Variants in NXPH1 observed in about 807,000 individuals in gnomAD.
NXPH1 encodes the protein neurexophilin-1.
NXPH1 carries 5 observed loss-of-function variants against 23.7 expected under a neutral mutation model. The ratio of observed to expected loss-of-function variants is 0.21; its 90% CI spans 0.11 to 0.44. The LOEUF (loss-of-function observed/expected upper bound fraction) is 0.44, where lower values mean the gene tolerates loss of function less well. Ranked by LOEUF, NXPH1 falls within the 20% of genes least tolerant of loss-of-function variation. The probability of loss-of-function intolerance (pLI) is 0.99; values close to 1 mark genes in which losing one functional copy is unlikely to be tolerated. For synonymous variants in NXPH1, 144 were observed against 122.2 expected, an observed-to-expected ratio of 1.18 and a Z score of -1.18; for missense variants, 324 against 321.6, an observed-to-expected ratio of 1.01 and a Z score of -0.06.
At chr7:8,438,199 C>G (rs963894936) in intron 2 of NXPH1, among the ~76,000 whole-genome samples, 1 of 152,200 alleles carries the variant, frequency 6.6e-6, no homozygotes, top group Admixed American at 6.5e-5. Flanking sequence ...GATTAAAACT[C>G]TAGGGCAATG....
chr7:8,705,881 T>G (rs950927480), intron 2 of NXPH1, among the ~76,000 whole-genome samples: 1 of 152,174 alleles, frequency 6.6e-6, no homozygotes, highest in African/African-American at 2.4e-5. Flanking sequence ...TTATTTGGCT[T>G]TGGGGGACAA....
intron 2 of NXPH1, among the ~76,000 whole-genome samples, chr7:8,613,897 AAC>A (rs1379889671): frequency 1.1e-4 from 17 of 151,858 alleles, no homozygotes; most frequent in African/African-American, 3.4e-4. Flanking sequence ...ATATAGACTG[AAC>A]ACACGTGTAT....
At chr7:8,598,619 C>G (rs940076415) in intron 2 of NXPH1, among the ~76,000 whole-genome samples, 11 of 152,084 alleles carry the variant, frequency 7.2e-5, no homozygotes, top group Non-Finnish European at 1.3e-4. Flanking sequence ...GGAAAAGAAA[C>G]CTTTTTTATT....
intron 2 of NXPH1, among the ~76,000 whole-genome samples, chr7:8,740,471 G>T (rs1180967256): frequency 2.6e-5 from 4 of 152,280 alleles, no homozygotes; most frequent in African/African-American, 9.6e-5. Context: ...TGGATAAAAT[G>T]TGGCTCTAAG....
At position 8,485,899 on chromosome 7, in the gene NXPH1, C is replaced by A. The variant is rs551036321; in HGVS notation, c.54+50132C>A. ...AATGTCATAAAAATTAGAACAGCAG[C>A]TGCCAGAACCATTTGTGGGTTAAAC... is the stretch of plus-strand genomic sequence containing the variant. On this transcript the variant is annotated intron_variant, in intron 2 of 2. Coordinates refer to ENST00000405863, the MANE Select transcript of NXPH1 (RefSeq NM_152745.3). Among the ~76,000 whole-genome samples the A allele has an allele frequency of 3.3e-5, 5 of 152,244 alleles. No individual in the cohort carries two copies. The South Asian group carries it at 1.0e-3, about 32-fold the overall frequency.
At chr7:8,670,805 G>C (rs1435585075) in intron 2 of NXPH1, among the ~76,000 whole-genome samples, 2 of 152,178 alleles carry the variant, frequency 1.3e-5, no homozygotes, top group African/African-American at 4.8e-5. Flanking sequence ...TTAGGGACAG[G>C]GTCTCTTTGT....
At position 8,678,394 on chromosome 7, in the gene NXPH1, T is replaced by C. The variant is rs114101226; in HGVS notation, c.55-72614T>C. On this transcript the variant is annotated intron_variant, in intron 2 of 2. Coordinates refer to ENST00000405863, the MANE Select transcript of NXPH1 (RefSeq NM_152745.3). ...CTTAGAACTACTTATGTCTCTCTTA[T>C]GTACCCTTTCCCCTTCTAGAACATC... Among the ~76,000 whole-genome samples the C allele has an allele frequency of 6.9e-3, 1,055 of 152,326 alleles. 10 individuals carry two copies. The highest frequency in any genetic ancestry group is 0.024 in the African/African-American group (989 of 41,566).
intron 2 of NXPH1, among the ~76,000 whole-genome samples, chr7:8,616,741 G>T (rs1819746795): frequency 1.3e-5 from 2 of 151,818 alleles, no homozygotes; most frequent in South Asian, 2.1e-4. Flanking sequence ...AGGCAAAAAA[G>T]GTAGGTAAAG....
At chr7:8,612,597 C>T (rs575003829) in intron 2 of NXPH1, among the ~76,000 whole-genome samples, 2 of 152,062 alleles carry the variant, frequency 1.3e-5, no homozygotes, top group Non-Finnish European at 2.9e-5. Flanking sequence ...TCTAACATTG[C>T]CTTTTGCTTC....
intron 2 of NXPH1, among the ~76,000 whole-genome samples, chr7:8,685,882 A>G (rs79845431): frequency 0.07 from 10,656 of 152,172 alleles, 631 homozygotes; most frequent in African/African-American, 0.14. Flanking sequence ...GGATGACTAC[A>G]GTCAAGAATA....
chr7:8,471,262 C>T (rs1008161981), intron 2 of NXPH1, among the ~76,000 whole-genome samples: 3 of 152,122 alleles, frequency 2.0e-5, no homozygotes, highest in African/African-American at 7.2e-5. Flanking sequence ...TGGCGGTACT[C>T]TACAAGAAAA....
At chr7:8,497,702 T>C (rs1383592153) in intron 2 of NXPH1, among the ~76,000 whole-genome samples, 2 of 152,188 alleles carry the variant, frequency 1.3e-5, no homozygotes, top group African/African-American at 4.8e-5. Context: ...TACTTTTTGA[T>C]GGGGTTGTTT....
At chr7:8,688,308 A>C (rs1821177970) in intron 2 of NXPH1, among the ~76,000 whole-genome samples, 1 of 152,186 alleles carries the variant, frequency 6.6e-6, no homozygotes, top group African/African-American at 2.4e-5. Flanking sequence ...CTGATTCATT[A>C]TACATTATAA....
Position 8,434,670 on chromosome 7 carries a change from G to T in NXPH1, c.-196G>T, listed in dbSNP as rs1403335805. The T allele has an allele frequency of 3.9e-5, 6 of 152,760 alleles. No homozygotes were observed. Among genetic ancestry groups the T allele is most frequent in the Non-Finnish European group, 7.3e-5 (5 of 68,140 alleles). The allele number at this position is 152,760 out of a possible 1,614,324, so 9.5% of individuals were successfully genotyped here. ...GCGCCTGGGAGGGCACGTCCGGGGC[G>T]CTGGAGACGCCAGGCCCGAGTAGCT... On this transcript the variant is annotated 5_prime_UTR_variant, in exon 1 of 3. Transcript: ENST00000405863. The surrounding 1 kb of genome is among the most constrained non-coding windows in gnomAD (Gnocchi z 7.6).
intron 2 of NXPH1, among the ~76,000 whole-genome samples, chr7:8,578,514 A>G (rs1428318904): frequency 6.6e-6 from 1 of 152,222 alleles, no homozygotes; most frequent in Non-Finnish European, 1.5e-5. Context: ...GCAATTTGCA[A>G]TTTACTTTTG....
In NXPH1 at chr7:8,698,960, T is replaced by G. The variant is rs545215596; in HGVS notation, c.55-52048T>G. 2.6e-5 allele frequency among the ~76,000 whole-genome samples: 4 copies of G among 152,312 alleles called. No individual in the cohort carries two copies. The East Asian group carries it at 5.8e-4, about 22-fold the overall frequency. On this transcript the variant is annotated intron_variant, in intron 2 of 2. Coordinates refer to ENST00000405863, the MANE Select transcript of NXPH1 (RefSeq NM_152745.3). The stretch of plus-strand genomic sequence containing the variant: ...GAAGTTTATTCATTGTAGTAGAGTA[T>G]GCTGCTTAAATTCTTGGTGCAAAGA...
At chr7:8,698,725 A>T (rs1355468066) in intron 2 of NXPH1, among the ~76,000 whole-genome samples, 2 of 152,180 alleles carry the variant, frequency 1.3e-5, no homozygotes, top group Admixed American at 6.5e-5. Flanking sequence ...GATCTATATA[A>T]TTATGGATAA....
chr7:8,623,646 GATA>G (rs890240705), intron 2 of NXPH1, among the ~76,000 whole-genome samples: 4 of 79,410 alleles, frequency 5.0e-5, no homozygotes, highest in African/African-American at 3.2e-4. Context: ...TTTTAGTTTT[GATA>G]ATAATTTTGT....
chr7:8,560,348 T>C (rs1341703161), intron 2 of NXPH1, among the ~76,000 whole-genome samples: 1 of 151,696 alleles, frequency 6.6e-6, no homozygotes, highest in African/African-American at 2.4e-5. Context: ...TAGCTGAACA[T>C]GGATTTTCTA....
Sources: gnomAD v4.1 joint callset for allele counts (sites outside exome capture counted in the v4.1 genomes callset) on GRCh38, gnomAD v4.1.1 for gene constraint, Gnocchi (gnomAD v3.1) non-coding constraint, MANE v1.5 for transcripts, NCBI Gene and HGNC (gene_info 2026-07-23, HGNC 2026-07-21) for gene names.